MUC5B: variants seen among roughly 807,000 people sequenced by gnomAD.
MUC5B encodes the protein mucin-5B.
MUC5B carries 116 observed loss-of-function variants against 376.9 expected under a neutral mutation model. The ratio of observed to expected loss-of-function variants is 0.31; its 90% CI spans 0.26 to 0.36. MUC5B has a LOEUF of 0.36. MUC5B is among the 10% of genes least tolerant of loss of function. The pLI is 1.00. For synonymous variants in MUC5B, 3,517 were observed against 3,390.9 expected, an observed-to-expected ratio of 1.04 and a Z score of -1.29; for missense variants, 7,165 against 7,769.9, an observed-to-expected ratio of 0.92 and a Z score of 2.93.
chr11:1,253,960 G>A lies in MUC5B; in HGVS notation c.15218-132G>A, dbSNP rs1056407629. 4.7e-5 allele frequency: 60 copies of A among 1,276,774 alleles called. No homozygotes were observed. Among genetic ancestry groups the A allele is most frequent in the Non-Finnish European group, 5.4e-5 (51 of 938,628 alleles). 79.1% of individuals were successfully genotyped at this position (1,276,774 alleles called of 1,614,324 possible). ...ACACTGGACCCATTTTTATAGACGA[G>A]GCAGCTGAGGCCCCAGGGGCTTCAG... is the stretch of plus-strand genomic sequence containing the variant. On this transcript the variant is annotated intron_variant, in intron 33 of 48. Coordinates refer to ENST00000529681, the MANE Select transcript of MUC5B (RefSeq NM_002458.3). This position sits in a 1 kb window ranked among gnomAD's most constrained non-coding sequence, Gnocchi z 4.3.
chr11:1,254,846 C>T lies in MUC5B; in HGVS notation c.15630C>T (p.Tyr5210=), dbSNP rs1331841727. 6 of 1,612,242 alleles carry T rather than the reference C, an allele frequency of 3.7e-6. No individual in the cohort carries two copies. The highest frequency in any genetic ancestry group is 5.1e-6 in the Non-Finnish European group (6 of 1,179,762). Reference sequence around the variant, plus strand: ...AAGTCTTCCAGGCCCGGCTGCCCTACAGCCTCTTCCACAACAACACCGAGG... The same window carrying T: ...AAGTCTTCCAGGCCCGGCTGCCCTATAGCCTCTTCCACAACAACACCGAGG... The part of the protein sequence containing the change: ...NGQVFQARLP[Y]SLFHNNTEGQ... The change falls in exon 35 of 49, where the codon TAC becomes TAT. Residue 5210 remains tyrosine (Y), a synonymous_variant. Transcript: ENST00000529681.
At chr11:1,256,885 C>T (rs56074359) in intron 39 of MUC5B, 114 bp downstream of exon 39, 23,814 of 829,064 alleles carry the variant, frequency 0.029, 478 homozygotes, top group Non-Finnish European at 0.033. Context: ...AGCTGACCCC[C>T]GTGACCTGTT....
Position 1,245,945 on chromosome 11 carries a change from C to A in MUC5B, c.9065C>A (p.Pro3022His), listed in dbSNP as rs751369882. The A allele has an allele frequency of 1.2e-6, 2 of 1,612,274 alleles. No individual in the cohort carries two copies. The highest frequency in any genetic ancestry group is 2.2e-5 in the South Asian group (2 of 90,992). The change falls in exon 31 of 49, where the codon CCC (proline) becomes CAC (histidine). Residue 3022 changes from proline (P) to histidine (H), a missense_variant. Around this residue, in one of 31 missense-constraint regions of MUC5B, gnomAD observed 939 missense variants for 770.6 expected, o/e 1.22. Transcript: ENST00000529681. ...PSSTPGTAPP[P>H]KVLTSTATTP... Reference sequence around the variant, plus strand: ...TCCACCCCGGGAACAGCTCCCCCTCCCAAAGTGCTGACCAGCACGGCCACC... The same window carrying A: ...TCCACCCCGGGAACAGCTCCCCCTCACAAAGTGCTGACCAGCACGGCCACC...
Position 1,250,658 on chromosome 11 carries a change from T to G in MUC5B, c.13778T>G (p.Val4593Gly), listed in dbSNP as rs946295920. Residue 4593 changes from valine (V) to glycine (G), a missense_variant, in exon 31 of 49, where the codon GTG (valine) becomes GGG (glycine). Transcript: ENST00000529681. ...STPGTAHTTK[V>G]PTTTTTGFTA... ...CCAGGAACAGCTCACACTACCAAAG[T>G]GCCGACTACCACAACCACGGGCTTC... 6.2e-7 allele frequency: 1 copy of G among 1,610,356 alleles called. No homozygotes were observed.
chr11:1,260,073 G>A lies in MUC5B; in HGVS notation c.16911G>A (p.Val5637=). 6.2e-7 allele frequency: 1 copy of A among 1,612,532 alleles called. No individual in the cohort carries two copies. The highest frequency in any genetic ancestry group is 1.1e-5 in the South Asian group (1 of 91,080). The change falls in exon 46 of 49, where the codon GTG becomes GTA. Residue 5637 remains valine, a synonymous_variant. Coordinates refer to ENST00000529681, the MANE Select transcript of MUC5B (RefSeq NM_002458.3). ...LTPQPASCPD[V]SSCRGSLRKT... is the part of the protein sequence containing the mutation. ...CACAGCCTGCATCCTGCCCAGATGT[G>A]TCCAGCTGCAGGGTGTGTGCTGGAG...
chr11:1,234,304 G>T lies in MUC5B; in HGVS notation c.2477G>T (p.Cys826Phe). ...AGCTGCCACACGCTGGACGTGGGCTGTGTGAGTTCCATGCTTCAGGGAGGG... is the reference window on the plus strand; with the variant it reads ...AGCTGCCACACGCTGGACGTGGGCTTTGTGAGTTCCATGCTTCAGGGAGGG... ...LRSCHTLDVGCFSTHCVSGCV... is the reference protein window; with the variant it reads ...LRSCHTLDVGFFSTHCVSGCV... Residue 826 changes from cysteine (C) to phenylalanine (F), a missense_variant and splice_region_variant, in exon 20 of 49, where the codon TGT (cysteine) becomes TTT (phenylalanine). This residue lies in a region of MUC5B where 530 missense variants were observed against 604.0 expected (regional missense o/e 0.88). Transcript: ENST00000529681. The surrounding 1 kb of genome is among the most constrained non-coding windows in gnomAD (Gnocchi z 6.3). The T allele has an allele frequency of 6.3e-7, 1 of 1,594,882 alleles. No homozygotes were observed. The highest frequency in any genetic ancestry group is 8.6e-7 in the Non-Finnish European group (1 of 1,168,928).
chr11:1,233,868 TGC>T lies in MUC5B; in HGVS notation c.2377+21_2377+22del. 5 of 1,558,130 alleles carry T rather than the reference TGC, an allele frequency of 3.2e-6. No individual in the cohort carries two copies. Among genetic ancestry groups the T allele is most frequent in the Non-Finnish European group, 4.3e-6 (5 of 1,150,666 alleles). On this transcript the variant is annotated intron_variant, in intron 19 of 48. Transcript: ENST00000529681. ...GCACAGGTAAGTGCCACCCCTGCCC[TGC>T]CCTGCCCTGCCCCGCCCCGCATCAC... is the stretch of plus-strand genomic sequence containing the variant.
intron 12 of MUC5B, 132 bp from the exon 13 acceptor site, chr11:1,230,804 C>G (rs975809053): frequency 8.7e-6 from 10 of 1,144,422 alleles, no homozygotes; most frequent in Non-Finnish European, 1.1e-5. Context: ...GCAGAGCCCA[C>G]CGCAGGTCCA....
In MUC5B at chr11:1,234,860, C is replaced by T. The variant is rs536881271; in HGVS notation, c.2630+180C>T. 5.6e-3 allele frequency among the ~76,000 whole-genome samples: 846 copies of T among 152,164 alleles called. 3 individuals carry two copies. The highest frequency in any genetic ancestry group is 0.019 in the African/African-American group (794 of 41,494). Reference sequence around the variant, plus strand: ...TAGGAAAGCCATGGGCCGTCCTGTGCGTCCTCTGGAAGGTGGCCCAGGGGC... The same window carrying T: ...TAGGAAAGCCATGGGCCGTCCTGTGTGTCCTCTGGAAGGTGGCCCAGGGGC... On this transcript the variant is annotated intron_variant, in intron 21 of 48. Coordinates refer to ENST00000529681, the MANE Select transcript of MUC5B (RefSeq NM_002458.3). The surrounding 1 kb of genome is among the most constrained non-coding windows in gnomAD (Gnocchi z 6.3).
At chr11:1,252,549 C>A in intron 32 of MUC5B, 25 bp downstream of exon 32, 2 of 1,514,258 alleles carry the variant, frequency 1.3e-6, no homozygotes, top group Non-Finnish European at 1.8e-6. Flanking sequence ...CCCTCCACCT[C>A]CCGTGCTGCG....
In MUC5B at chr11:1,230,061, C is replaced by T. The variant is rs1861987732; in HGVS notation, c.1277C>T (p.Ser426Phe). The T allele has an allele frequency of 6.2e-7, 1 of 1,611,736 alleles. No individual in the cohort carries two copies. Among genetic ancestry groups the T allele is most frequent in the East Asian group, 2.2e-5 (1 of 44,876 alleles). ...GACCTGCCGTGCCCTGGCACCTGCT[C>T]TGTGCAGGGCGGGGCCCACATCTCC... ...CQDLPCPGTCSVQGGAHISTY... is the reference protein window; with the variant it reads ...CQDLPCPGTCFVQGGAHISTY... Residue 426 changes from serine to phenylalanine, a missense_variant, in exon 11 of 49, where the codon TCT becomes TTT. Physicochemically the swap from Ser to Phe is radical, Grantham distance 155 (BLOSUM62 -2). Around this residue, in one of 31 missense-constraint regions of MUC5B, gnomAD observed 640 missense variants for 733.0 expected, o/e 0.87. Transcript: ENST00000529681.
chr11:1,226,748 C>T lies in MUC5B; in HGVS notation c.333C>T (p.Tyr111=), dbSNP rs376456928. 21 of 1,612,774 alleles carry T rather than the reference C, an allele frequency of 1.3e-5. No homozygotes were observed. Among genetic ancestry groups the T allele is most frequent in the Admixed American group, 1.0e-4 (6 of 60,010 alleles). ...YVFSEHCRAA[Y]EDFNVQLRRG... ...TCTCTGAGCACTGCCGCGCCGCCTA[C>T]GAGGACTTCAACGTCCAGCTACGCC... is the stretch of plus-strand genomic sequence containing the variant. Residue 111 remains tyrosine, a synonymous_variant, in exon 4 of 49, where the codon TAC becomes TAT. Transcript: ENST00000529681.
chr11:1,238,445 C>T (rs532061606), intron 25 of MUC5B, among the ~76,000 whole-genome samples: 126 of 152,006 alleles, frequency 8.3e-4, no homozygotes, highest in Non-Finnish European at 1.4e-3. Context: ...GAGGCCAGTA[C>T]GACTGCAGCG....
Position 1,237,082 on chromosome 11 carries a change from C to A in MUC5B, c.3215C>A (p.Thr1072Lys), listed in dbSNP as rs367602183. ...PDALAPKDPC[T>K]ANPFRKSWAQ... ...GCCCTGGCACCCAAGGACCCCTGCA[C>A]GGCCAACCCCTTCCGCAAGTCCTGG... Residue 1072 changes from threonine (T) to lysine (K), a missense_variant, in exon 25 of 49, where the codon ACG (threonine) becomes AAG (lysine). Thr to Lys is a moderately conservative substitution (Grantham distance 78). This residue lies in a region of MUC5B where 143 missense variants were observed against 193.2 expected (regional missense o/e 0.74). Transcript: ENST00000529681. The A allele has an allele frequency of 1.3e-6, 2 of 1,562,100 alleles. No individual in the cohort carries two copies. The highest frequency in any genetic ancestry group is 2.4e-5 in the East Asian group (1 of 41,652).
At chr11:1,227,211 G>A in intron 5 of MUC5B, 66 bp downstream of exon 5, 4 of 1,575,318 alleles carry the variant, frequency 2.5e-6, no homozygotes, top group Non-Finnish European at 3.5e-6. Flanking sequence ...GGGGGTCGAG[G>A]GATGCCTCCC....
rs1861877541 is a variant in MUC5B, at chr11:1,226,224, C to T, written c.147C>T (p.Pro49=). ...TMDGGAPTSS[P]TRRVSFVPPV... ...CCACAGGTGCCCCGACGTCCTCGCCCACCCGGCGCGTGAGCTTTGTTCCAC... is the reference window on the plus strand; with the variant it reads ...CCACAGGTGCCCCGACGTCCTCGCCTACCCGGCGCGTGAGCTTTGTTCCAC... Residue 49 remains proline, a synonymous_variant, in exon 3 of 49, where the codon CCC becomes CCT. Coordinates refer to ENST00000529681, the MANE Select transcript of MUC5B (RefSeq NM_002458.3). 1 of 1,554,508 alleles carries T rather than the reference C, an allele frequency of 6.4e-7. No individual in the cohort carries two copies. The highest frequency in any genetic ancestry group is 8.7e-7 in the Non-Finnish European group (1 of 1,150,788).
chr11:1,249,268 C>T lies in MUC5B; in HGVS notation c.12388C>T (p.Pro4130Ser). Residue 4130 changes from proline to serine, a missense_variant, in exon 31 of 49, where the codon CCC becomes TCC. By Grantham distance (74) the Pro-to-Ser change is moderately conservative. Coordinates refer to ENST00000529681, the MANE Select transcript of MUC5B (RefSeq NM_002458.3). Reference sequence around the variant, plus strand: ...CACGGTGGTGACCACGGGCTGTGAGCCCCAGTGTGCCTGGTCAGAGTGGCT... The same window carrying T: ...CACGGTGGTGACCACGGGCTGTGAGTCCCAGTGTGCCTGGTCAGAGTGGCT... ...ITTVVTTGCE[P>S]QCAWSEWLDY... 6.2e-7 allele frequency: 1 copy of T among 1,611,428 alleles called. No individual in the cohort carries two copies. Among genetic ancestry groups the T allele is most frequent in the Admixed American group, 1.7e-5 (1 of 59,994 alleles).
Position 1,258,118 on chromosome 11 carries a change from C to T in MUC5B, c.16470C>T (p.Cys5490=). ...ETVCVCNTTT[C]PQSLPVCPPG... ...CCGCAGTGTGCAACACAACCACCTGCCCCCAGAGCCTGCCTGTGTGCCCGC... is the reference window on the plus strand; with the variant it reads ...CCGCAGTGTGCAACACAACCACCTGTCCCCAGAGCCTGCCTGTGTGCCCGC... The change falls in exon 42 of 49, where the codon TGC becomes TGT. Residue 5490 remains cysteine, a synonymous_variant. Transcript: ENST00000529681. The surrounding 1 kb of genome is among the most constrained non-coding windows in gnomAD (Gnocchi z 5.5). The T allele has an allele frequency of 6.3e-7, 1 of 1,591,542 alleles. No individual in the cohort carries two copies. The highest frequency in any genetic ancestry group is 1.1e-5 in the South Asian group (1 of 87,410).
Position 1,239,950 on chromosome 11 carries a change from G to A in MUC5B, c.3728+7G>A. 6.2e-7 allele frequency: 1 copy of A among 1,612,808 alleles called. No homozygotes were observed. Among genetic ancestry groups the A allele is most frequent in the East Asian group, 2.2e-5 (1 of 44,856 alleles). The stretch of plus-strand genomic sequence containing the variant: ...CGGAGAACTGCCAGAGCTGGTGAGG[G>A]GGTGGGAAGCGGGTGGCGCTGGGGG... On this transcript the variant is annotated splice_region_variant and intron_variant, in intron 28 of 48. Coordinates refer to ENST00000529681, the MANE Select transcript of MUC5B (RefSeq NM_002458.3).
Sources: gnomAD v4.1 joint callset for allele counts (sites outside exome capture counted in the v4.1 genomes callset) on GRCh38, gnomAD v4.1.1 for gene constraint, gnomAD v4.1.1 regional missense constraint, Gnocchi (gnomAD v3.1) non-coding constraint, MANE v1.5 for transcripts, NCBI Gene and HGNC (gene_info 2026-07-23, HGNC 2026-07-21) for gene names.